KCNIP4: variants seen among roughly 807,000 people sequenced by gnomAD.
KCNIP4 encodes the protein potassium voltage-gated channel interacting protein 4, also known as Kv channel-interacting protein 4.
Under a neutral mutation model 34.0 loss-of-function variants are expected in KCNIP4, and 12 were observed. That is an observed-to-expected ratio of 0.35 (90% CI 0.23 to 0.57). The LOEUF is 0.57. Ranked by LOEUF, KCNIP4 falls within the 20% of genes least tolerant of loss-of-function variation. The probability of loss-of-function intolerance (pLI) is 0.83; values close to 1 mark genes in which losing one functional copy is unlikely to be tolerated. For synonymous variants in KCNIP4, 124 were observed against 102.2 expected, an observed-to-expected ratio of 1.21 and a Z score of -1.29; for missense variants, 238 against 311.7, an observed-to-expected ratio of 0.76 and a Z score of 1.78.
chr4:21,071,006 A>G (rs1216332640), intron 1 of KCNIP4, among the ~76,000 whole-genome samples: 4 of 151,976 alleles, frequency 2.6e-5, no homozygotes, highest in Non-Finnish European at 5.9e-5. Flanking sequence ...CATTCTAGAT[A>G]TGAATTCTTT....
chr4:21,154,585 G>A (rs568764130), intron 1 of KCNIP4, among the ~76,000 whole-genome samples: 1 of 152,276 alleles, frequency 6.6e-6, no homozygotes, highest in South Asian at 2.1e-4. Context: ...ATGAACACTT[G>A]CCTATGCAAC....
chr4:21,552,346 T>C (rs1738654069), intron 1 of KCNIP4, among the ~76,000 whole-genome samples: 1 of 152,116 alleles, frequency 6.6e-6, no homozygotes, highest in South Asian at 2.1e-4. Flanking sequence ...GAAATACAAG[T>C]CATAAATGTT....
chr4:21,143,842 ACAGG>A (rs1378910938), intron 1 of KCNIP4, among the ~76,000 whole-genome samples: 1 of 151,214 alleles, frequency 6.6e-6, no homozygotes, highest in Non-Finnish European at 1.5e-5. Context: ...AGCTGGGATT[ACAGG>A]CACCCACCAC....
chr4:20,912,498 C>A (rs977340681), intron 1 of KCNIP4, among the ~76,000 whole-genome samples: 1 of 151,972 alleles, frequency 6.6e-6, no homozygotes, highest in Admixed American at 6.6e-5. Flanking sequence ...ACAACTAAAG[C>A]GTAAGTAAGC....
chr4:21,549,715 T>C (rs374265536), intron 1 of KCNIP4, among the ~76,000 whole-genome samples: 1 of 152,068 alleles, frequency 6.6e-6, no homozygotes, highest in African/African-American at 2.4e-5. Context: ...GACTGAGTCA[T>C]AGAGAAGTGA....
chr4:21,318,855 G>T (rs968078991), intron 1 of KCNIP4, among the ~76,000 whole-genome samples: 1 of 152,040 alleles, frequency 6.6e-6, no homozygotes, highest in Non-Finnish European at 1.5e-5. Flanking sequence ...GAAACATGAA[G>T]AGTCTTTCAA....
chr4:20,846,952 G>A (rs1054770383), intron 3 of KCNIP4, among the ~76,000 whole-genome samples: 10 of 152,168 alleles, frequency 6.6e-5, no homozygotes, highest in African/African-American at 2.2e-4. Context: ...AAGCTCCCCA[G>A]ATGGTTGCAA....
At chr4:21,301,589 C>G (rs986950613) in intron 1 of KCNIP4, among the ~76,000 whole-genome samples, 1 of 152,152 alleles carries the variant, frequency 6.6e-6, no homozygotes, top group Non-Finnish European at 1.5e-5. Context: ...AGGAAAGGAA[C>G]TCTCAGGCGA....
chr4:20,947,054 T>G (rs1045314112), intron 1 of KCNIP4, among the ~76,000 whole-genome samples: 1 of 152,210 alleles, frequency 6.6e-6, no homozygotes. Flanking sequence ...CATACCTTCT[T>G]TGCTCCCCTA....
chr4:20,918,916 C>T (rs569399772), intron 1 of KCNIP4, among the ~76,000 whole-genome samples: 178 of 152,296 alleles, frequency 1.2e-3, no homozygotes, highest in African/African-American at 4.2e-3. Flanking sequence ...ATAATCTGGG[C>T]ACAGGTGTTG....
intron 1 of KCNIP4, among the ~76,000 whole-genome samples, chr4:21,176,901 A>T (rs1754454217): frequency 6.6e-6 from 1 of 152,206 alleles, no homozygotes; most frequent in South Asian, 2.1e-4. Flanking sequence ...CCTGCTTTCA[A>T]AGTTTTATCT....
chr4:21,693,100 C>CCCCTCTT (rs1711860191), intron 1 of KCNIP4, among the ~76,000 whole-genome samples: 1 of 94,070 alleles, frequency 1.1e-5, no homozygotes, highest in Non-Finnish European at 2.4e-5. Context: ...TGCTTAGGAT[C>CCCCTCTT]ACCTCTTCCA....
intron 1 of KCNIP4, among the ~76,000 whole-genome samples, chr4:21,734,466 T>A (rs1482878611): frequency 6.6e-6 from 1 of 152,166 alleles, no homozygotes; most frequent in Non-Finnish European, 1.5e-5. Flanking sequence ...ATATATAAGA[T>A]CTACAGGAAA....
chr4:21,558,121 C>G (rs1407268190), intron 1 of KCNIP4, among the ~76,000 whole-genome samples: 1 of 152,150 alleles, frequency 6.6e-6, no homozygotes, highest in Non-Finnish European at 1.5e-5. Flanking sequence ...AGAGAGCACA[C>G]TGCATCCAAG....
intron 1 of KCNIP4, among the ~76,000 whole-genome samples, chr4:21,884,179 TTTCAAAGTATAAG>T (rs1283888499): frequency 6.6e-6 from 1 of 152,138 alleles, no homozygotes; most frequent in Non-Finnish European, 1.5e-5. Flanking sequence ...CATACATTTG[TTTCAAAGTATAAG>T]TACTTCCTAT....
chr4:21,547,900 C>T (rs1738269771), intron 1 of KCNIP4, among the ~76,000 whole-genome samples: 1 of 151,898 alleles, frequency 6.6e-6, no homozygotes, highest in Non-Finnish European at 1.5e-5. Flanking sequence ...TAATTTTGCG[C>T]CTGAAACAAA....
At chr4:20,856,923 C>G (rs1377979607) in intron 2 of KCNIP4, among the ~76,000 whole-genome samples, 1 of 151,990 alleles carries the variant, frequency 6.6e-6, no homozygotes, top group Non-Finnish European at 1.5e-5. Flanking sequence ...GGGCAGCAAT[C>G]TGAGCTGTGC....
chr4:20,963,504 G>C (rs993323280), intron 1 of KCNIP4, among the ~76,000 whole-genome samples: 1 of 151,790 alleles, frequency 6.6e-6, no homozygotes, highest in South Asian at 2.1e-4. Context: ...AAATAACAAT[G>C]ATTTATTAAT....
At chr4:21,400,200 T>C (rs543946818) in intron 1 of KCNIP4, among the ~76,000 whole-genome samples, 9 of 152,158 alleles carry the variant, frequency 5.9e-5, no homozygotes, top group Non-Finnish European at 1.0e-4. Flanking sequence ...GCAGACATTG[T>C]GCAGAACATT....
Sources: gnomAD v4.1 joint callset for allele counts (sites outside exome capture counted in the v4.1 genomes callset) on GRCh38, gnomAD v4.1.1 for gene constraint, MANE v1.5 for transcripts, NCBI Gene and HGNC (gene_info 2026-07-23, HGNC 2026-07-21) for gene names.